Variants in ATF7 observed in about 807,000 individuals in gnomAD.
The protein encoded by ATF7 is activating transcription factor 7.
ATF7 carries 10 observed loss-of-function variants against 50.4 expected under a neutral mutation model. The ratio of observed to expected loss-of-function variants is 0.20; its 90% CI spans 0.12 to 0.34. ATF7 has a LOEUF of 0.34. Among genes scored for constraint, ATF7 ranks in the 10% least tolerant of loss-of-function variants. ATF7 has a pLI of 1.00. For synonymous variants in ATF7, 201 were observed against 226.4 expected (o/e 0.89, Z 1.01); for missense variants, 465 against 613.9 (o/e 0.76, Z 2.56).
Position 53,523,345 on chromosome 12 carries a change from T to G in ATF7, c.1165A>C (p.Lys389Gln). The G allele has an allele frequency of 2.5e-6, 4 of 1,614,024 alleles. No homozygotes were observed. Among genetic ancestry groups the G allele is most frequent in the Non-Finnish European group, 3.4e-6 (4 of 1,179,940 alleles). ...TCTTTATGAGCTAACAGTAGCTGTT[T>G]CAACTGGGCCACCTCATTGCGTAGT... ...TLLRNEVAQLKQLLLAHKDCP... is the reference protein window; with the variant it reads ...TLLRNEVAQLQQLLLAHKDCP... Residue 389 changes from lysine (K) to glutamine (Q), a missense_variant, in exon 11 of 12, where the codon AAA (lysine) becomes CAA (glutamine). Physicochemically the swap from Lys to Gln is moderately conservative, Grantham distance 53 (BLOSUM62 1). Coordinates refer to ENST00000420353, the MANE Select transcript of ATF7 (RefSeq NM_006856.3).
At chr12:53,533,362 G>GACT in intron 6 of ATF7, 103 bp from the exon 7 acceptor site, 1 of 923,702 alleles carries the variant, frequency 1.1e-6, no homozygotes, top group South Asian at 1.5e-5. Context: ...AGTTAGGGAA[G>GACT]GTATAGGGCA....
chr12:53,615,162 T>C (rs1177656121), intron 1 of ATF7, among the ~76,000 whole-genome samples: 1 of 150,756 alleles, frequency 6.6e-6, no homozygotes, highest in Non-Finnish European at 1.5e-5. Context: ...GGCGGGCGGA[T>C]CACAAGGTCA....
intron 2 of ATF7, among the ~76,000 whole-genome samples, chr12:53,592,678 A>G (rs934237066): frequency 6.6e-6 from 1 of 152,204 alleles, no homozygotes; most frequent in Non-Finnish European, 1.5e-5. Flanking sequence ...CAAAGAAAAA[A>G]AACCCTCAAA....
intron 3 of ATF7, among the ~76,000 whole-genome samples, chr12:53,545,812 T>A (rs1939867353): frequency 6.6e-6 from 1 of 152,112 alleles, no homozygotes; most frequent in African/African-American, 2.4e-5. Flanking sequence ...CCTGGCACTT[T>A]GGAAGGCCAA....
chr12:53,510,108 C>T (rs1442484175), downstream of ATF7, among the ~76,000 whole-genome samples: 4 of 150,878 alleles, frequency 2.7e-5, no homozygotes, highest in African/African-American at 7.3e-5. Flanking sequence ...GGCTTGATCT[C>T]GGCTCACCAC....
chr12:53,535,328 C>CAAAAAAAAAA (rs397938442), intron 5 of ATF7, among the ~76,000 whole-genome samples: 883 of 64,744 alleles, frequency 0.014, 25 homozygotes, highest in South Asian at 0.044. Flanking sequence ...GACTCTGCCT[C>CAAAAAAAAAA]AAAAAAAAAA....
intron 2 of ATF7, among the ~76,000 whole-genome samples, chr12:53,556,066 T>A (rs1940734152): frequency 6.6e-6 from 1 of 152,126 alleles, no homozygotes; most frequent in Non-Finnish European, 1.5e-5. Context: ...TCCACCCACC[T>A]CGACCTCCCA....
chr12:53,510,589 GACT>G (rs1240531921), downstream of ATF7, among the ~76,000 whole-genome samples: 1 of 152,186 alleles, frequency 6.6e-6, no homozygotes, highest in African/African-American at 2.4e-5. Context: ...AAAATGAAGT[GACT>G]ACTCCTGTTA....
At chr12:53,543,193 T>A (rs1411737088) in intron 4 of ATF7, 137 bp downstream of exon 4, 1 of 1,543,746 alleles carries the variant, frequency 6.5e-7, no homozygotes, top group African/African-American at 1.4e-5. Flanking sequence ...TAGTGACTAC[T>A]ATCTGGTTTT....
At chr12:53,601,618 C>A (rs1243056597) in intron 1 of ATF7, among the ~76,000 whole-genome samples, 1 of 152,160 alleles carries the variant, frequency 6.6e-6, no homozygotes, top group Non-Finnish European at 1.5e-5. Flanking sequence ...GCCTCCTCCT[C>A]CCCCCACCAA....
chr12:53,592,681 C>A (rs889942717), intron 2 of ATF7, among the ~76,000 whole-genome samples: 1 of 151,982 alleles, frequency 6.6e-6, no homozygotes, highest in Non-Finnish European at 1.5e-5. Context: ...AGAAAAAAAA[C>A]CCTCAAATTT....
chr12:53,568,531 T>TC (rs1941577465), intron 2 of ATF7, among the ~76,000 whole-genome samples: 1 of 152,204 alleles, frequency 6.6e-6, no homozygotes, highest in Non-Finnish European at 1.5e-5. Context: ...CAGAAGAGGT[T>TC]GCAGCCTGGT....
At chr12:53,604,457 G>C (rs1282153027) in intron 1 of ATF7, among the ~76,000 whole-genome samples, 2 of 152,112 alleles carry the variant, frequency 1.3e-5, no homozygotes, top group African/African-American at 4.8e-5. Flanking sequence ...CTAGATATAT[G>C]TCTATATCTA....
intron 11 of ATF7, among the ~76,000 whole-genome samples, chr12:53,519,443 T>C (rs117028764): frequency 0.021 from 3,208 of 152,214 alleles, 63 homozygotes; most frequent in Middle Eastern, 0.054. Flanking sequence ...GGCTCACACC[T>C]GTAATCCTAG....
intron 2 of ATF7, among the ~76,000 whole-genome samples, chr12:53,587,116 C>T (rs772434968): frequency 6.6e-6 from 1 of 152,148 alleles, no homozygotes; most frequent in East Asian, 1.9e-4. Context: ...CCTCTAATCC[C>T]AACACTTTGG....
intron 2 of ATF7, among the ~76,000 whole-genome samples, chr12:53,596,187 C>G (rs2137798380): frequency 6.6e-6 from 1 of 152,204 alleles, no homozygotes; most frequent in African/African-American, 2.4e-5. Context: ...GTAATCCCAG[C>G]TACTTGGGAG....
intron 3 of ATF7, 71 bp downstream of exon 3, chr12:53,552,470 C>G: frequency 8.5e-7 from 1 of 1,178,448 alleles, no homozygotes; most frequent in Non-Finnish European, 1.3e-6. Flanking sequence ...GCTCCCAGTA[C>G]ATCTGGTCTC....
intron 1 of ATF7, among the ~76,000 whole-genome samples, chr12:53,615,609 C>G (rs1020590155): frequency 6.6e-6 from 1 of 152,114 alleles, no homozygotes; most frequent in African/African-American, 2.4e-5. Flanking sequence ...TGCGATGGCT[C>G]ACACCAGTAA....
In ATF7 at chr12:53,524,456, T is replaced by C; in HGVS notation, c.1125+108A>G. 2.4e-6 allele frequency: 3 copies of C among 1,263,414 alleles called. No individual in the cohort carries two copies. Among genetic ancestry groups the C allele is most frequent in the Non-Finnish European group, 2.2e-6 (2 of 900,224 alleles). The allele number at this position is 1,263,414 out of a possible 1,614,324, so 78.3% of individuals were successfully genotyped here. A position where few individuals can be genotyped will look rare whatever the true frequency, so the allele number is the denominator to read the frequency against. ...ATTCTTCATGGGACAACTAGATCTG[T>C]CCTAATTAGAGAATTACCATCTTCT... On this transcript the variant is annotated intron_variant, in intron 10 of 11. Transcript: ENST00000420353. This position sits in a 1 kb window ranked among gnomAD's most constrained non-coding sequence, Gnocchi z 4.6.
Sources: gnomAD v4.1 joint callset for allele counts (sites outside exome capture counted in the v4.1 genomes callset) on GRCh38, gnomAD v4.1.1 for gene constraint, Gnocchi (gnomAD v3.1) non-coding constraint, MANE v1.5 for transcripts, NCBI Gene and HGNC (gene_info 2026-07-23, HGNC 2026-07-21) for gene names.